Variants in CSGALNACT1 observed in about 807,000 individuals in gnomAD.
The protein encoded by CSGALNACT1 is chondroitin sulfate N-acetylgalactosaminyltransferase 1, also known as beta4GalNAcT-1.
In CSGALNACT1, 52 loss-of-function variants were observed where a neutral mutation model predicts 51.0. That is an observed-to-expected ratio of 1.02 (90% CI 0.82 to 1.29). The LOEUF is 1.29. Among genes scored for constraint, CSGALNACT1 ranks in the 50% most tolerant of loss-of-function variants. The probability of loss-of-function intolerance (pLI) is 0.00; values close to 1 mark genes in which losing one functional copy is unlikely to be tolerated. For synonymous variants in CSGALNACT1, 341 were observed against 254.4 expected, an observed-to-expected ratio of 1.34 and a Z score of -3.24; for missense variants, 935 against 679.2, an observed-to-expected ratio of 1.38 and a Z score of -4.19.
intron 2 of CSGALNACT1, among the ~76,000 whole-genome samples, chr8:19,593,943 T>C (rs1270592431): frequency 6.6e-6 from 1 of 152,140 alleles, no homozygotes; most frequent in Non-Finnish European, 1.5e-5. Flanking sequence ...TGCTTCAGGA[T>C]GGAAGGAGAA....
intron 3 of CSGALNACT1, among the ~76,000 whole-genome samples, chr8:19,531,300 T>C (rs1391616026): frequency 6.6e-6 from 1 of 152,132 alleles, no homozygotes; most frequent in Non-Finnish European, 1.5e-5. Context: ...TTTTCACTCA[T>C]AGCTCCACAT....
chr8:19,654,177 A>G (rs770186613), intron 1 of CSGALNACT1, among the ~76,000 whole-genome samples: 2 of 152,226 alleles, frequency 1.3e-5, no homozygotes, highest in Non-Finnish European at 2.9e-5. Context: ...TAAGTCAGTA[A>G]TAGTCACTGA....
intron 1 of CSGALNACT1, among the ~76,000 whole-genome samples, chr8:19,667,278 T>C (rs914207469): frequency 8.8e-6 from 1 of 114,112 alleles, no homozygotes; most frequent in Non-Finnish European, 1.9e-5. Flanking sequence ...AAAAAAAAAA[T>C]ACAAAAATTA....
intron 1 of CSGALNACT1, among the ~76,000 whole-genome samples, chr8:19,673,655 G>A (rs1475264743): frequency 6.6e-6 from 1 of 152,200 alleles, no homozygotes; most frequent in African/African-American, 2.4e-5. Context: ...AGTTAGAAAT[G>A]AATTTGTCTG....
chr8:19,717,133 A>G (rs1409816032), intron 1 of CSGALNACT1, among the ~76,000 whole-genome samples: 1 of 152,228 alleles, frequency 6.6e-6, no homozygotes, highest in Non-Finnish European at 1.5e-5. Context: ...TAAAATTATC[A>G]TTTTAAGAAA....
chr8:19,629,302 A>C (rs2054889962), intron 1 of CSGALNACT1, among the ~76,000 whole-genome samples: 1 of 152,230 alleles, frequency 6.6e-6, no homozygotes, highest in South Asian at 2.1e-4. Flanking sequence ...AGAAGGAAAA[A>C]ACAAAACTGG....
chr8:19,692,899 G>C (rs1223848980), intron 1 of CSGALNACT1, among the ~76,000 whole-genome samples: 7 of 152,218 alleles, frequency 4.6e-5, no homozygotes, highest in Non-Finnish European at 4.4e-5. Context: ...CTCTCAGGCA[G>C]ATGAGGGCAC....
At chr8:19,496,086 C>T (rs11994059) in intron 4 of CSGALNACT1, among the ~76,000 whole-genome samples, 100,013 of 151,806 alleles carry the variant, frequency 0.66, 33,490 homozygotes, top group East Asian at 0.98. Context: ...CAATTTGGAG[C>T]AGTATGCTTG....
intron 1 of CSGALNACT1, among the ~76,000 whole-genome samples, chr8:19,756,306 A>G (rs1280037093): frequency 6.6e-6 from 1 of 152,180 alleles, no homozygotes; most frequent in Non-Finnish European, 1.5e-5. Flanking sequence ...AAACTGCACC[A>G]AGGCTTTGAA....
chr8:19,532,718 T>G (rs1470795272), intron 3 of CSGALNACT1, among the ~76,000 whole-genome samples: 1 of 152,182 alleles, frequency 6.6e-6, no homozygotes, highest in South Asian at 2.1e-4. Context: ...GAAGAGGTAG[T>G]GAGCTCTTCC....
intron 5 of CSGALNACT1, among the ~76,000 whole-genome samples, chr8:19,458,183 C>G (rs2064539539): frequency 1.3e-5 from 2 of 152,154 alleles, no homozygotes; most frequent in South Asian, 4.1e-4. Flanking sequence ...TTTGTAGATC[C>G]TGGTGAAAAC....
chr8:19,720,142 C>T (rs928680631), intron 1 of CSGALNACT1, among the ~76,000 whole-genome samples: 5 of 152,208 alleles, frequency 3.3e-5, no homozygotes, highest in African/African-American at 1.2e-4. Context: ...GCCACTGTGC[C>T]AGTCTGGAGC....
chr8:19,540,444 A>G lies in CSGALNACT1; in HGVS notation c.-296-34314T>C, dbSNP rs531844281. 2.6e-5 allele frequency among the ~76,000 whole-genome samples: 4 copies of G among 152,258 alleles called. 1 individual carries two copies. Among genetic ancestry groups the G allele is most frequent in the African/African-American group, 9.6e-5 (4 of 41,548 alleles). On this transcript the variant is annotated intron_variant, in intron 3 of 9. Transcript: ENST00000454498. ...ACTGTGTGGATACAAAAGTGACTAA[A>G]ATTTGAGTTCACAGTTTCTGACACA...
chr8:19,671,732 C>T (rs574685137), intron 1 of CSGALNACT1, among the ~76,000 whole-genome samples: 165 of 152,136 alleles, frequency 1.1e-3, no homozygotes, highest in Admixed American at 2.0e-3. Context: ...ATTGGGAGTG[C>T]GGGGTGGTGG....
At chr8:19,430,706 G>T (rs2059524013) in intron 6 of CSGALNACT1, among the ~76,000 whole-genome samples, 1 of 152,120 alleles carries the variant, frequency 6.6e-6, no homozygotes, top group African/African-American at 2.4e-5. Context: ...GTGAGTTTTA[G>T]AATCAGCTTG....
At chr8:19,439,840 T>A (rs769711761) in exon 6 of CSGALNACT1, 1 of 1,613,630 alleles carries the variant, frequency 6.2e-7, no homozygotes, top group Non-Finnish European at 8.5e-7. Flanking sequence ...TTGGAAGTGT[T>A]TTCAAGTATT....
rs1341009184 is a variant in CSGALNACT1, at chr8:19,721,258, T to C, written c.-297+36592A>G. ...AACAACATCCCGGAGACTGTGAAAC[T>C]GATCTCCAGGCCCATGCAACAAGCC... On this transcript the variant is annotated intron_variant, in intron 1 of 1. Coordinates refer to the CSGALNACT1 transcript ENST00000517494. Among the ~76,000 whole-genome samples the C allele has an allele frequency of 4.6e-5, 7 of 152,310 alleles. No homozygotes were observed. In the East Asian group the frequency reaches 9.7e-4, roughly 21 times the overall value.
chr8:19,538,472 A>C (rs188904263), intron 3 of CSGALNACT1, among the ~76,000 whole-genome samples: 3 of 152,352 alleles, frequency 2.0e-5, no homozygotes, highest in African/African-American at 7.2e-5. Flanking sequence ...AGATACTTGT[A>C]ATTGGAATGA....
chr8:19,691,170 G>A (rs773744186), intron 1 of CSGALNACT1, among the ~76,000 whole-genome samples: 3 of 152,192 alleles, frequency 2.0e-5, no homozygotes, highest in South Asian at 2.1e-4. Context: ...AAGAGGCCAC[G>A]CCCGAAGGAG....
Sources: allele counts gnomAD v4.1 joint callset (sites outside exome capture counted in the v4.1 genomes callset), GRCh38; gene constraint gnomAD v4.1.1; transcripts MANE v1.5; gene names NCBI Gene and HGNC (gene_info 2026-07-23, HGNC 2026-07-21).